Variants in INVS observed in about 807,000 individuals in gnomAD.
INVS encodes inversion of embryo turning homolog.
In INVS, 86 loss-of-function variants were observed where a neutral mutation model predicts 108.8. That is an observed-to-expected ratio of 0.79 (90% CI 0.66 to 0.95). The LOEUF (loss-of-function observed/expected upper bound fraction) is 0.95. INVS is among the 40% of genes least tolerant of loss of function. The pLI, the probability that INVS is intolerant of heterozygous loss-of-function variation, is 0.00. For missense variants in INVS, 1,169 were observed against 1,297.4 expected, an observed-to-expected ratio of 0.90 and a Z score of 1.52; for synonymous variants, 455 against 473.5, an observed-to-expected ratio of 0.96 and a Z score of 0.51.
At chr9:100,145,365 G>A (rs957312583) in intron 3 of INVS, among the ~76,000 whole-genome samples, 3 of 151,826 alleles carry the variant, frequency 2.0e-5, no homozygotes, top group African/African-American at 4.8e-5. Flanking sequence ...AGAGGTTGGG[G>A]CGTGGAAATA....
chr9:100,129,688 A>G, intron 3 of INVS: 2 of 713,984 alleles, frequency 2.8e-6, no homozygotes, highest in Non-Finnish European at 5.2e-6. Flanking sequence ...ATTGAGAACA[A>G]TCAGCACAGG....
In INVS at chr9:100,300,620, C is replaced by A. The variant is rs780137519; in HGVS notation, c.3144C>A (p.Asn1048Lys). Residue 1048 changes from asparagine (N) to lysine (K), a missense_variant, in exon 17 of 17, where the codon AAC becomes AAA. Physicochemically the swap from Asn to Lys is moderately conservative, Grantham distance 94. This residue lies in a region of INVS where 533 missense variants were observed against 536.0 expected (regional missense o/e 0.99). Coordinates refer to ENST00000262457, the MANE Select transcript of INVS (RefSeq NM_014425.5). The stretch of plus-strand genomic sequence containing the variant: ...TTGAGAACAGTGGAAGATCAAAGAA[C>A]TTTTCTTATAACCTGCAATCAGCTA... ...HLLENSGRSKNFSYNLQSATQ... is the reference protein window; with the variant it reads ...HLLENSGRSKKFSYNLQSATQ... The A allele has an allele frequency of 6.2e-6, 10 of 1,614,046 alleles. No homozygotes were observed. Among genetic ancestry groups the A allele is most frequent in the Non-Finnish European group, 7.6e-6 (9 of 1,179,954 alleles).
chr9:100,245,920 T>A (rs538925616), intron 7 of INVS, among the ~76,000 whole-genome samples: 1 of 152,226 alleles, frequency 6.6e-6, no homozygotes, highest in South Asian at 2.1e-4. Context: ...ATTCCAGCAC[T>A]TTGGGAGGCC....
intron 14 of INVS, among the ~76,000 whole-genome samples, chr9:100,293,768 C>T (rs1040158559): frequency 6.6e-6 from 1 of 152,148 alleles, no homozygotes; most frequent in Non-Finnish European, 1.5e-5. Flanking sequence ...CAAATGTTCA[C>T]GTCTCATAAT....
At chr9:100,119,600 A>C (rs1827659964) in intron 2 of INVS, among the ~76,000 whole-genome samples, 1 of 152,330 alleles carries the variant, frequency 6.6e-6, no homozygotes, top group South Asian at 2.1e-4. Flanking sequence ...TCTGTCACCC[A>C]GGCTCGAGTG....
chr9:100,178,199 C>T (rs1564145954), intron 3 of INVS, among the ~76,000 whole-genome samples: 1 of 152,142 alleles, frequency 6.6e-6, no homozygotes, highest in Non-Finnish European at 1.5e-5. Flanking sequence ...CCTGAAAATT[C>T]CAAAAACCAG....
At chr9:100,265,344 T>C (rs1183581150) in intron 11 of INVS, among the ~76,000 whole-genome samples, 1 of 152,218 alleles carries the variant, frequency 6.6e-6, no homozygotes, top group African/African-American at 2.4e-5. Context: ...ATAATAACTA[T>C]ACTCATAATA....
intron 5 of INVS, 128 bp from the exon 6 acceptor site, chr9:100,239,932 G>C: frequency 1.2e-5 from 10 of 825,178 alleles, no homozygotes; most frequent in Non-Finnish European, 2.0e-5. Flanking sequence ...TCATGCCACT[G>C]TACTCCAACC....
intron 11 of INVS, among the ~76,000 whole-genome samples, chr9:100,271,518 C>T (rs1210229462): frequency 1.3e-5 from 2 of 152,166 alleles, no homozygotes; most frequent in African/African-American, 4.8e-5. Context: ...AAGAGTGAAA[C>T]GGCTATGTCA....
intron 3 of INVS, among the ~76,000 whole-genome samples, chr9:100,173,496 G>A (rs1829611668): frequency 6.6e-6 from 1 of 152,194 alleles, no homozygotes; most frequent in Admixed American, 6.5e-5. Context: ...GGGAGGCCAA[G>A]GCAGGTGGAT....
chr9:100,249,386 T>C (rs977139093), intron 8 of INVS, among the ~76,000 whole-genome samples: 1 of 152,188 alleles, frequency 6.6e-6, no homozygotes, highest in Non-Finnish European at 1.5e-5. Context: ...ACTCTATAGA[T>C]AATATCAATG....
rs370344619 is a variant in INVS at position 100,252,247 on chromosome 9, T to C, written c.1079-36T>C. The C allele has an allele frequency of 4.0e-5, 65 of 1,608,016 alleles. No individual in the cohort carries two copies. The African/African-American group carries it at 6.7e-4, about 17-fold the overall frequency. ...ATAATTTAAAAGGTGAAGTTGTTAT[T>C]GACTAGTTCATCACTTTCTGTTGGT... is the stretch of plus-strand genomic sequence containing the variant. On this transcript the variant is annotated intron_variant, in intron 8 of 16. Transcript: ENST00000262457.
chr9:100,228,281 G>A (rs1030148331), intron 4 of INVS, among the ~76,000 whole-genome samples: 1 of 152,156 alleles, frequency 6.6e-6, no homozygotes, highest in African/African-American at 2.4e-5. Flanking sequence ...ATGAGCCACT[G>A]CGCCCAGCCA....
intron 7 of INVS, among the ~76,000 whole-genome samples, chr9:100,244,807 T>A (rs1021771970): frequency 2.6e-5 from 4 of 152,148 alleles, no homozygotes; most frequent in African/African-American, 7.2e-5. Context: ...AGCAAAGAAA[T>A]GTTTGCAAAT....
intron 3 of INVS, among the ~76,000 whole-genome samples, chr9:100,146,167 A>G (rs1564131898): frequency 6.6e-6 from 1 of 152,228 alleles, no homozygotes; most frequent in Non-Finnish European, 1.5e-5. Flanking sequence ...GTGAGCAGCA[A>G]GGCTGTTTAT....
intron 3 of INVS, among the ~76,000 whole-genome samples, chr9:100,149,084 A>G (rs1828722561): frequency 6.6e-6 from 1 of 151,124 alleles, no homozygotes; most frequent in South Asian, 2.1e-4. Flanking sequence ...GCCATTACTC[A>G]TACCTTTTGC....
intron 3 of INVS, among the ~76,000 whole-genome samples, chr9:100,192,248 A>AGTGTGT (rs58132596): frequency 0.092 from 13,367 of 144,902 alleles, 650 homozygotes; most frequent in Non-Finnish European, 0.1. Flanking sequence ...GGGAAAAAAG[A>AGTGTGT]GTGTGTGTGT....
At chr9:100,207,407 A>G (rs762064838) in intron 3 of INVS, among the ~76,000 whole-genome samples, 86 of 151,972 alleles carry the variant, frequency 5.7e-4, no homozygotes, top group Non-Finnish European at 1.0e-3. Context: ...GATTCTCATG[A>G]CTCAGCCTCC....
intron 2 of INVS, among the ~76,000 whole-genome samples, chr9:100,110,732 A>G (rs1463392478): frequency 6.6e-6 from 1 of 152,250 alleles, no homozygotes; most frequent in Non-Finnish European, 1.5e-5. Flanking sequence ...ACATAACAAT[A>G]TTCTGCCATA....
Sources: gnomAD v4.1 joint callset for allele counts (sites outside exome capture counted in the v4.1 genomes callset) on GRCh38, gnomAD v4.1.1 for gene constraint, gnomAD v4.1.1 regional missense constraint, MANE v1.5 for transcripts, NCBI Gene and HGNC (gene_info 2026-07-23, HGNC 2026-07-21) for gene names.